NXPH2: variants seen among roughly 807,000 people sequenced by gnomAD.
NXPH2 encodes neurexophilin 2.
NXPH2 carries 5 observed loss-of-function variants against 19.8 expected under a neutral mutation model. The observed-to-expected ratio is 0.25, with a 90% CI of 0.13 to 0.53. NXPH2 has a LOEUF of 0.53. Ranked by LOEUF, NXPH2 falls within the 20% of genes least tolerant of loss-of-function variation. The pLI, the probability that NXPH2 is intolerant of heterozygous loss-of-function variation, is 0.96. For synonymous variants in NXPH2, 154 were observed against 127.4 expected (o/e 1.21, Z -1.41); for missense variants, 289 against 322.8 (o/e 0.90, Z 0.80).
intron 1 of NXPH2, among the ~76,000 whole-genome samples, chr2:138,702,573 C>A (rs1216215250): frequency 6.6e-6 from 1 of 152,044 alleles, no homozygotes; most frequent in Non-Finnish European, 1.5e-5. Context: ...TCTTGAGTTA[C>A]CTTCCCACCC....
At chr2:138,720,035 A>C (rs1681252677) in intron 1 of NXPH2, among the ~76,000 whole-genome samples, 1 of 152,008 alleles carries the variant, frequency 6.6e-6, no homozygotes. Flanking sequence ...TCTTGCATTT[A>C]TTTTTCCATA....
chr2:138,773,731 GAA>G (rs1354370816), intron 1 of NXPH2, among the ~76,000 whole-genome samples: 1 of 152,110 alleles, frequency 6.6e-6, no homozygotes, highest in Non-Finnish European at 1.5e-5. Context: ...ATTCTTGCAT[GAA>G]AAGACTTACA....
At chr2:138,729,796 G>C (rs1681418290) in intron 1 of NXPH2, among the ~76,000 whole-genome samples, 1 of 152,090 alleles carries the variant, frequency 6.6e-6, no homozygotes, top group African/African-American at 2.4e-5. Context: ...TGTATCTTTT[G>C]ACACTCCTCT....
chr2:138,714,685 T>C lies in NXPH2; in HGVS notation c.52-43020A>G, dbSNP rs116201549. ...GATCCAAGTCCACCTTCTGGGATAA[T>C]GGTGTTAATTTCATTGAATTACTTT... On this transcript the variant is annotated intron_variant, in intron 1 of 1. Transcript: ENST00000272641. Among the ~76,000 whole-genome samples the C allele has an allele frequency of 7.0e-3, 1,062 of 152,280 alleles. 12 individuals are homozygous for C. Among genetic ancestry groups the C allele is most frequent in the African/African-American group, 0.024 (1,013 of 41,552 alleles).
At chr2:138,711,185 G>A (rs1463648837) in intron 1 of NXPH2, among the ~76,000 whole-genome samples, 1 of 115,506 alleles carries the variant, frequency 8.7e-6, no homozygotes. Flanking sequence ...CTGTCACCTG[G>A]GCTGGAGTGC....
intron 1 of NXPH2, among the ~76,000 whole-genome samples, chr2:138,729,805 C>T (rs1681418547): frequency 6.6e-6 from 1 of 152,182 alleles, no homozygotes; most frequent in Admixed American, 6.5e-5. Context: ...TGACACTCCT[C>T]TCTTTAAGGG....
intron 1 of NXPH2, among the ~76,000 whole-genome samples, chr2:138,751,377 T>C (rs1681826673): frequency 6.6e-6 from 1 of 152,164 alleles, no homozygotes; most frequent in Non-Finnish European, 1.5e-5. Context: ...ATTTGGAATG[T>C]ATTCCAAAAT....
chr2:138,749,846 C>A (rs1485411232), intron 1 of NXPH2, among the ~76,000 whole-genome samples: 1 of 152,050 alleles, frequency 6.6e-6, no homozygotes, highest in Non-Finnish European at 1.5e-5. Flanking sequence ...AAACTTAAGA[C>A]CAATGCAAGC....
intron 1 of NXPH2, among the ~76,000 whole-genome samples, chr2:138,745,970 T>C (rs1338960031): frequency 6.6e-6 from 1 of 151,638 alleles, no homozygotes; most frequent in East Asian, 1.9e-4. Context: ...CACCAAGAGA[T>C]GGTCAAAATA....
chr2:138,741,089 A>C (rs13414855), intron 1 of NXPH2, among the ~76,000 whole-genome samples: 1 of 152,050 alleles, frequency 6.6e-6, no homozygotes, highest in South Asian at 2.1e-4. Context: ...AAAATGACTT[A>C]TTTTAAAATA....
At position 138,744,328 on chromosome 2, in the gene NXPH2, G is replaced by A. The variant is rs114002852; in HGVS notation, c.51+35863C>T. Among the ~76,000 whole-genome samples, 1,392 of 152,052 alleles carry A rather than the reference G, an allele frequency of 9.2e-3. 25 individuals carry two copies. Among genetic ancestry groups the A allele is most frequent in the African/African-American group, 0.031 (1,287 of 41,464 alleles). On this transcript the variant is annotated intron_variant, in intron 1 of 1. Coordinates refer to ENST00000272641, the MANE Select transcript of NXPH2 (RefSeq NM_007226.3). Reference sequence around the variant, plus strand: ...TGGCTTCATAATGGATATGTTTTCCGTCAAAATAAATAAAAGTGAAAACAA... The same window carrying A: ...TGGCTTCATAATGGATATGTTTTCCATCAAAATAAATAAAAGTGAAAACAA...
chr2:138,673,117 G>T (rs903205355), intron 1 of NXPH2, among the ~76,000 whole-genome samples: 3 of 152,130 alleles, frequency 2.0e-5, no homozygotes, highest in Non-Finnish European at 4.4e-5. Flanking sequence ...TAATTTCTTG[G>T]AAGATTTTCT....
At chr2:138,738,797 T>C (rs1180094518) in intron 1 of NXPH2, among the ~76,000 whole-genome samples, 3 of 152,210 alleles carry the variant, frequency 2.0e-5, no homozygotes, top group African/African-American at 7.2e-5. Context: ...AAATATGTTA[T>C]CGCTCATGCC....
intron 1 of NXPH2, among the ~76,000 whole-genome samples, chr2:138,702,742 A>G (rs1019576915): frequency 2.6e-5 from 4 of 152,172 alleles, no homozygotes; most frequent in Non-Finnish European, 4.4e-5. Context: ...TCTACATTGG[A>G]TGTGAGAACT....
At chr2:138,676,032 C>A (rs1329162828) in intron 1 of NXPH2, among the ~76,000 whole-genome samples, 1 of 151,714 alleles carries the variant, frequency 6.6e-6, no homozygotes, top group South Asian at 2.1e-4. Flanking sequence ...CTTTCCTTAG[C>A]ACATCATATT....
At chr2:138,721,453 A>G (rs562528703) in intron 1 of NXPH2, among the ~76,000 whole-genome samples, 1 of 152,194 alleles carries the variant, frequency 6.6e-6, no homozygotes, top group African/African-American at 2.4e-5. Context: ...TCATGATTTT[A>G]TATTATAGAA....
chr2:138,744,878 C>T (rs1373072421), intron 1 of NXPH2, among the ~76,000 whole-genome samples: 2 of 152,186 alleles, frequency 1.3e-5, no homozygotes, highest in East Asian at 3.8e-4. Flanking sequence ...TTCCCATCTC[C>T]ATGCCCACAT....
At chr2:138,759,371 G>T (rs1396344739) in intron 1 of NXPH2, among the ~76,000 whole-genome samples, 1 of 148,280 alleles carries the variant, frequency 6.7e-6, no homozygotes, top group Non-Finnish European at 1.5e-5. Flanking sequence ...ACCAGGCTTT[G>T]CCCATCACTA....
intron 1 of NXPH2, among the ~76,000 whole-genome samples, chr2:138,673,643 A>T (rs561027480): frequency 2.3e-4 from 33 of 142,382 alleles, no homozygotes; most frequent in South Asian, 4.5e-4. Context: ...AATGGGATTA[A>T]TTTTTTTTTT....
Sources: gnomAD v4.1 joint callset for allele counts (sites outside exome capture counted in the v4.1 genomes callset) on GRCh38, gnomAD v4.1.1 for gene constraint, MANE v1.5 for transcripts, NCBI Gene and HGNC (gene_info 2026-07-23, HGNC 2026-07-21) for gene names.